Variants in POLR2F observed in about 807,000 individuals in gnomAD.
POLR2F encodes the protein DNA-directed RNA polymerases I, II, and III subunit RPABC2.
A neutral mutation model predicts 22.7 loss-of-function variants in POLR2F; 12 were observed. The ratio of observed to expected loss-of-function variants is 0.53; its 90% confidence interval spans 0.34 to 0.86. The LOEUF (loss-of-function observed/expected upper bound fraction) is 0.86. Among genes scored for constraint, POLR2F ranks in the 40% least tolerant of loss-of-function variants. The pLI is 0.02. For synonymous variants in POLR2F, 57 were observed against 66.0 expected, an observed-to-expected ratio of 0.86 and a Z score of 0.66; for missense variants, 126 against 171.5, an observed-to-expected ratio of 0.73 and a Z score of 1.48.
chr22:37,965,792 C>T (rs577597534), intron 3 of POLR2F, among the ~76,000 whole-genome samples: 5 of 152,292 alleles, frequency 3.3e-5, no homozygotes, highest in East Asian at 3.9e-4. Flanking sequence ...GCTCTCAGGC[C>T]GCTTCACTAG....
chr22:37,957,977 T>G (rs924327599), intron 2 of POLR2F, among the ~76,000 whole-genome samples: 3 of 152,050 alleles, frequency 2.0e-5, no homozygotes, highest in Non-Finnish European at 1.5e-5. Flanking sequence ...CTTTCTGTTT[T>G]TTGTTGTTGT....
rs1005740514 is a variant in POLR2F at position 37,980,707 on chromosome 22, C to G, written c.293+13537C>G. Among the ~76,000 whole-genome samples, 5 of 152,382 alleles carry G rather than the reference C, an allele frequency of 3.3e-5. No individual in the cohort carries two copies. The highest frequency in any genetic ancestry group is 3.4e-3 in the Middle Eastern group (1 of 294). On this transcript the variant is annotated intron_variant, in intron 4 of 4. Transcript: ENST00000405557. This position sits in a 1 kb window ranked among gnomAD's most constrained non-coding sequence, Gnocchi z 4.1. ...CAAACCCAGTCCTCATCTGCACCTTCCTGTCAGCCCTCTTTCTCCCTGGTC... is the reference window on the plus strand; with the variant it reads ...CAAACCCAGTCCTCATCTGCACCTTGCTGTCAGCCCTCTTTCTCCCTGGTC...
At chr22:37,964,782 G>C (rs1304518808) in intron 3 of POLR2F, among the ~76,000 whole-genome samples, 1 of 151,186 alleles carries the variant, frequency 6.6e-6, no homozygotes, top group African/African-American at 2.4e-5. Flanking sequence ...CATGTTGGTC[G>C]GGCTGGTCTT....
At chr22:37,962,620 A>C (rs2145741407) in intron 3 of POLR2F, among the ~76,000 whole-genome samples, 1 of 152,338 alleles carries the variant, frequency 6.6e-6, no homozygotes, top group African/African-American at 2.4e-5. Flanking sequence ...ATTTACATTA[A>C]GTACAATTAA....
chr22:38,025,462 A>T, intron 1 of POLR2F: 1 of 1,363,466 alleles, frequency 7.3e-7, no homozygotes. Context: ...ACACACACGT[A>T]CTCAAAGATA....
intron 1 of POLR2F, among the ~76,000 whole-genome samples, chr22:38,011,274 T>C (rs2084869630): frequency 6.6e-6 from 1 of 151,842 alleles, no homozygotes; most frequent in South Asian, 2.1e-4. Context: ...CTAATTTTTG[T>C]ATTTTTTTTT....
At chr22:38,007,649 C>G (rs1426780478) in intron 1 of POLR2F, among the ~76,000 whole-genome samples, 1 of 152,178 alleles carries the variant, frequency 6.6e-6, no homozygotes, top group African/African-American at 2.4e-5. Flanking sequence ...CACCGCGGGC[C>G]TCCAGTTCTT....
At chr22:38,018,282 T>C (rs1392172685) in intron 1 of POLR2F, among the ~76,000 whole-genome samples, 1 of 152,156 alleles carries the variant, frequency 6.6e-6, no homozygotes, top group Non-Finnish European at 1.5e-5. Flanking sequence ...CAGGGCTATG[T>C]AGGATTTGGA....
At chr22:38,027,192 A>T (rs373485731), downstream of POLR2F, among the ~76,000 whole-genome samples, 2 of 152,136 alleles carry the variant, frequency 1.3e-5, no homozygotes, top group African/African-American at 4.8e-5. Context: ...TCATTCGTTC[A>T]TTCATTCATC....
At chr22:38,020,212 C>T (rs1365210359) in intron 1 of POLR2F, among the ~76,000 whole-genome samples, 1 of 148,918 alleles carries the variant, frequency 6.7e-6, no homozygotes, top group Non-Finnish European at 1.5e-5. Context: ...TATATACACA[C>T]ACACACACAC....
intron 4 of POLR2F, chr22:37,977,818 C>T: frequency 6.4e-7 from 1 of 1,573,428 alleles, no homozygotes; most frequent in South Asian, 1.1e-5. Context: ...CATCTCCTGT[C>T]TCCACTGACT....
intron 2 of POLR2F, chr22:37,958,291 C>G (rs1931484185): frequency 1.3e-5 from 2 of 151,394 alleles, no homozygotes. Context: ...CGGGTTCATG[C>G]CATTCTCCTG....
At chr22:37,989,463 A>G (rs1601892522) in intron 1 of POLR2F, among the ~76,000 whole-genome samples, 1 of 152,114 alleles carries the variant, frequency 6.6e-6, no homozygotes, top group Non-Finnish European at 1.5e-5. Context: ...TTTGAATCCT[A>G]ATGTCAGACC....
intron 1 of POLR2F, among the ~76,000 whole-genome samples, chr22:38,008,857 CAAA>C (rs551540324): frequency 1.3e-4 from 11 of 82,478 alleles, no homozygotes; most frequent in African/African-American, 1.4e-4. Flanking sequence ...GATGCTGTCT[CAAA>C]AAAAAAAAAA....
At chr22:37,972,274 A>G (rs879227146), downstream of POLR2F, 1 of 1,299,304 alleles carries the variant, frequency 7.7e-7, no homozygotes, top group Non-Finnish European at 1.0e-6. Context: ...CAGGGATAAG[A>G]GATGAAGAGA....
intron 4 of POLR2F, among the ~76,000 whole-genome samples, chr22:37,977,284 C>T (rs181998512): frequency 6.6e-6 from 1 of 151,840 alleles, no homozygotes; most frequent in Admixed American, 6.6e-5. Flanking sequence ...GTAACTGCCC[C>T]AGCCACCTCT....
At chr22:37,983,333 C>A, upstream of POLR2F, 1 of 1,594,156 alleles carries the variant, frequency 6.3e-7, no homozygotes, top group Non-Finnish European at 8.5e-7. This position sits in a 1 kb window ranked among gnomAD's most constrained non-coding sequence, Gnocchi z 9.5. Flanking sequence ...AGGGCCCGAG[C>A]CCGGGGGGCG....
Position 37,956,777 on chromosome 22 carries a change from G to C in POLR2F, c.25G>C (p.Asp9His). The change falls in exon 2 of 5, where the codon GAT becomes CAT. Residue 9 changes from aspartate to histidine, a missense_variant. Physicochemically the swap from Asp to His is moderately conservative, Grantham distance 81 (BLOSUM62 -1). Transcript: ENST00000442738. Reference sequence around the variant, plus strand: ...TGATCTCTTCTTCCTGTACAGTTTTGATGGCGACGACTTTGATGATGTGGA... The same window carrying C: ...TGATCTCTTCTTCCTGTACAGTTTTCATGGCGACGACTTTGATGATGTGGA... MSDNEDNF[D>H]GDDFDDVEED... 6.2e-7 allele frequency: 1 copy of C among 1,613,594 alleles called. No individual in the cohort carries two copies. Among genetic ancestry groups the C allele is most frequent in the South Asian group, 1.1e-5 (1 of 91,076 alleles).
chr22:38,023,560 C>G (rs2084979073), intron 1 of POLR2F, among the ~76,000 whole-genome samples: 1 of 152,140 alleles, frequency 6.6e-6, no homozygotes, highest in Non-Finnish European at 1.5e-5. Context: ...TCCATTACCA[C>G]TATCCATCCA....
Sources: gnomAD v4.1 joint callset for allele counts (sites outside exome capture counted in the v4.1 genomes callset) on GRCh38, gnomAD v4.1.1 for gene constraint, Gnocchi (gnomAD v3.1) non-coding constraint, MANE v1.5 for transcripts, NCBI Gene and HGNC (gene_info 2026-07-23, HGNC 2026-07-21) for gene names.